Variants in TADA2B observed in about 807,000 individuals in gnomAD.
The protein encoded by TADA2B is transcriptional adapter 2-beta.
A neutral mutation model predicts 34.5 loss-of-function variants in TADA2B; 13 were observed. That is an observed-to-expected ratio of 0.38 (90% CI 0.25 to 0.60). TADA2B has a LOEUF of 0.60. Among genes scored for constraint, TADA2B ranks in the 20% least tolerant of loss-of-function variants. TADA2B has a pLI of 0.65. For synonymous variants in TADA2B, 240 were observed against 243.4 expected, an observed-to-expected ratio of 0.99 and a Z score of 0.13; for missense variants, 442 against 575.0, an observed-to-expected ratio of 0.77 and a Z score of 2.37.
At chr4:7,051,702 A>G (rs986882707) in intron 1 of TADA2B, among the ~76,000 whole-genome samples, 3 of 151,196 alleles carry the variant, frequency 2.0e-5, no homozygotes, top group African/African-American at 7.3e-5. Context: ...GGTTCACGCC[A>G]TTCTCCTGCC....
intron 1 of TADA2B, chr4:7,053,142 G>T (rs1019086863): frequency 1.3e-5 from 2 of 152,448 alleles, no homozygotes; most frequent in Non-Finnish European, 2.9e-5. Context: ...CTGGGTGGCT[G>T]AGAGGCGGTG....
In TADA2B at chr4:7,056,442, C is replaced by T. The variant is rs1278211625; in HGVS notation, c.*1388C>T. 2 of 152,480 alleles carry T rather than the reference C, an allele frequency of 1.3e-5. No homozygotes were observed. The highest frequency in any genetic ancestry group is 4.8e-5 in the African/African-American group (2 of 41,382). 9.4% of individuals were successfully genotyped at this position (152,480 alleles called of 1,614,324 possible). On this transcript the variant is annotated 3_prime_UTR_variant, in exon 2 of 2. Transcript: ENST00000310074. ...AAGGAGGTTGACTTGCCTCTCGGGC[C>T]CCGTAGGTACCAAGAGACTGTTTAC...
At position 7,054,502 on chromosome 4, in the gene TADA2B, G is replaced by C; in HGVS notation, c.711G>C (p.Lys237Asn). ...NLVPAFLGKD[K>N]KEKEKALKRK... is the part of the protein sequence containing the mutation. ...TGCCAGCCTTCCTGGGGAAGGACAA[G>C]AAGGAGAAGGAAAAGGCGCTGAAGC... is the stretch of plus-strand genomic sequence containing the variant. Residue 237 changes from lysine to asparagine, a missense_variant, in exon 2 of 2, where the codon AAG becomes AAC. Around this residue, in one of 4 missense-constraint regions of TADA2B, gnomAD observed 222 missense variants for 235.2 expected, o/e 0.94. Transcript: ENST00000310074. 6.2e-7 allele frequency: 1 copy of C among 1,613,776 alleles called. No individual in the cohort carries two copies. Among genetic ancestry groups the C allele is most frequent in the South Asian group, 1.1e-5 (1 of 91,088 alleles).
At chr4:7,043,969 C>T in intron 1 of TADA2B, 120 bp downstream of exon 1, 1 of 1,269,766 alleles carries the variant, frequency 7.9e-7, no homozygotes, top group Non-Finnish European at 1.0e-6. Flanking sequence ...CAGAAGGCCC[C>T]GGAGGTGGGG....
chr4:7,051,054 G>T (rs952072167), intron 1 of TADA2B, among the ~76,000 whole-genome samples: 1 of 152,312 alleles, frequency 6.6e-6, no homozygotes, highest in African/African-American at 2.4e-5. Context: ...GGGATGATGG[G>T]CGTAGACGTG....
At position 7,054,376 on chromosome 4, in the gene TADA2B, C is replaced by G; in HGVS notation, c.585C>G (p.Asp195Glu). The change falls in exon 2 of 2, where the codon GAC (aspartate) becomes GAG (glutamate). Residue 195 changes from aspartate (D) to glutamate (E), a missense_variant. This residue lies in a region of TADA2B where 222 missense variants were observed against 235.2 expected (regional missense o/e 0.94). Coordinates refer to ENST00000310074, the MANE Select transcript of TADA2B (RefSeq NM_152293.3). ...ISGLSVNYDD[D>E]DVEIELKRAH... ...GGCTCTCTGTCAACTATGATGACGA[C>G]GACGTGGAGATCGAGCTGAAGCGCG... The G allele has an allele frequency of 6.2e-7, 1 of 1,613,566 alleles. No homozygotes were observed. Among genetic ancestry groups the G allele is most frequent in the South Asian group, 1.1e-5 (1 of 91,084 alleles).
intron 1 of TADA2B, among the ~76,000 whole-genome samples, chr4:7,047,105 T>C (rs1465751374): frequency 6.6e-6 from 1 of 152,172 alleles, no homozygotes; most frequent in Non-Finnish European, 1.5e-5. Context: ...CGGTTTGTGA[T>C]GGGTTCTGCG....
intron 1 of TADA2B, among the ~76,000 whole-genome samples, chr4:7,048,271 T>C (rs1723682145): frequency 2.0e-5 from 3 of 151,848 alleles, no homozygotes. Flanking sequence ...GGATGACCAT[T>C]AAGGATGGCG....
intron 1 of TADA2B, among the ~76,000 whole-genome samples, chr4:7,052,310 C>A (rs1723790632): frequency 6.6e-6 from 1 of 152,262 alleles, no homozygotes. Context: ...GGATGTTCAC[C>A]CAGGGTTTCC....
intron 1 of TADA2B, among the ~76,000 whole-genome samples, chr4:7,052,168 G>A (rs1409672895): frequency 1.3e-5 from 2 of 152,244 alleles, no homozygotes; most frequent in Admixed American, 1.3e-4. Flanking sequence ...CCGCAGCCTT[G>A]GACAGAAGCT....
chr4:7,048,180 G>C (rs1723678848), intron 1 of TADA2B, among the ~76,000 whole-genome samples: 2 of 152,366 alleles, frequency 1.3e-5, no homozygotes, highest in African/African-American at 4.8e-5. Flanking sequence ...CCAGGGAGCT[G>C]TGAGGCATGG....
intron 1 of TADA2B, among the ~76,000 whole-genome samples, chr4:7,044,167 G>T (rs1243952791): frequency 6.6e-6 from 1 of 152,232 alleles, no homozygotes; most frequent in African/African-American, 2.4e-5. Flanking sequence ...CAGACGTTGG[G>T]CAAGACTCGG....
At chr4:7,044,711 C>A (rs1723579858) in intron 1 of TADA2B, among the ~76,000 whole-genome samples, 1 of 152,164 alleles carries the variant, frequency 6.6e-6, no homozygotes, top group African/African-American at 2.4e-5. Flanking sequence ...TGTGGCCATC[C>A]CCGGGCACCC....
Position 7,054,228 on chromosome 4 carries a change from G to C in TADA2B, c.437G>C (p.Ser146Thr). The change falls in exon 2 of 2, where the codon AGC (serine) becomes ACC (threonine). Residue 146 changes from serine (S) to threonine (T), a missense_variant. By Grantham distance (58) the Ser-to-Thr change is moderately conservative. Transcript: ENST00000310074. ...TCPSGGPLSPSLTTPLPPLDI... is the reference protein window; with the variant it reads ...TCPSGGPLSPTLTTPLPPLDI... ...CCCAGCGGAGGCCCCCTCTCACCCA[G>C]CCTCACCACCCCGCTGCCCCCGCTG... 2 of 1,608,062 alleles carry C rather than the reference G, an allele frequency of 1.2e-6. No individual in the cohort carries two copies. The highest frequency in any genetic ancestry group is 2.2e-5 in the South Asian group (2 of 90,334).
intron 1 of TADA2B, among the ~76,000 whole-genome samples, chr4:7,052,485 C>T (rs1379325605): frequency 2.0e-5 from 3 of 152,220 alleles, no homozygotes; most frequent in East Asian, 1.9e-4. Context: ...GCGTCTGCCC[C>T]GGCTGCTCCA....
At chr4:7,048,891 C>T (rs1054747966) in intron 1 of TADA2B, among the ~76,000 whole-genome samples, 1 of 152,234 alleles carries the variant, frequency 6.6e-6, no homozygotes, top group African/African-American at 2.4e-5. Context: ...TTGTGGCATG[C>T]GTCAGCACGG....
In TADA2B at chr4:7,054,734, C is replaced by T. The variant is rs767862945; in HGVS notation, c.943C>T (p.Arg315Trp). The T allele has an allele frequency of 3.7e-6, 6 of 1,613,848 alleles. No homozygotes were observed. In the Admixed American group the frequency reaches 5.0e-5, roughly 13 times the overall value. ...AGAGTACGAGGCAGCGCGGCATAAACGGGAGAAGAGGAAGGAGAACAAAAA... is the reference window on the plus strand; with the variant it reads ...AGAGTACGAGGCAGCGCGGCATAAATGGGAGAAGAGGAAGGAGAACAAAAA... ...SAEYEAARHK[R>W]EKRKENKNLA... Residue 315 changes from arginine (R) to tryptophan (W), a missense_variant, in exon 2 of 2, where the codon CGG becomes TGG. Physicochemically the swap from Arg to Trp is moderately radical, Grantham distance 101. Transcript: ENST00000310074.
intron 1 of TADA2B, among the ~76,000 whole-genome samples, chr4:7,051,191 G>A (rs536103659): frequency 3.1e-4 from 47 of 152,324 alleles, no homozygotes; most frequent in African/African-American, 9.4e-4. Flanking sequence ...GTCACTGAAG[G>A]CTTCCTGGAC....
intron 1 of TADA2B, among the ~76,000 whole-genome samples, chr4:7,045,462 C>T (rs890703758): frequency 1.4e-4 from 22 of 152,332 alleles, no homozygotes; most frequent in African/African-American, 5.1e-4. Flanking sequence ...CGCCTCACAC[C>T]GGCCTCAGTG....
Sources: gnomAD v4.1 joint callset for allele counts (sites outside exome capture counted in the v4.1 genomes callset) on GRCh38, gnomAD v4.1.1 for gene constraint, gnomAD v4.1.1 regional missense constraint, MANE v1.5 for transcripts, NCBI Gene and HGNC (gene_info 2026-07-23, HGNC 2026-07-21) for gene names.